SMG6: variants seen among roughly 807,000 people sequenced by gnomAD.
SMG6 encodes the protein SMG6 nonsense mediated mRNA decay factor.
A neutral mutation model predicts 142.2 loss-of-function variants in SMG6; 66 were observed. That is an observed-to-expected ratio of 0.46 (90% CI 0.38 to 0.57). SMG6 has a LOEUF of 0.57. Ranked by LOEUF, SMG6 falls within the 20% of genes least tolerant of loss-of-function variation. The probability of loss-of-function intolerance (pLI) is 0.00; values close to 1 mark genes in which losing one functional copy is unlikely to be tolerated. For missense variants in SMG6, 1,793 were observed against 1,832.0 expected, an observed-to-expected ratio of 0.98 and a Z score of 0.39; for synonymous variants, 779 against 702.4, an observed-to-expected ratio of 1.11 and a Z score of -1.72.
At chr17:2,215,655 CT>C (rs2072994322) in intron 10 of SMG6, 1 of 152,024 alleles carries the variant, frequency 6.6e-6, no homozygotes, top group African/African-American at 2.4e-5. Flanking sequence ...CTCCACAGTA[CT>C]TGTGTGTGTG....
chr17:2,157,487 T>C (rs1376836957), intron 13 of SMG6, among the ~76,000 whole-genome samples: 1 of 152,194 alleles, frequency 6.6e-6, no homozygotes, highest in African/African-American at 2.4e-5. Flanking sequence ...GGTAAACAGA[T>C]TTTGGTACCC....
chr17:2,111,614 G>C lies in SMG6; in HGVS notation c.3358-25713C>G, dbSNP rs538911522. ...AAACGGGGTCTCCCTATATTGCCCA[G>C]ACTGGCCTTGAACTCCTAGGTTCAA... On this transcript the variant is annotated intron_variant, in intron 13 of 18. Transcript: ENST00000263073. Among the ~76,000 whole-genome samples, 237 of 152,248 alleles carry C rather than the reference G, an allele frequency of 1.6e-3. 1 individual carries two copies. Among genetic ancestry groups the C allele is most frequent in the African/African-American group, 4.2e-3 (175 of 41,552 alleles).
At chr17:2,161,061 T>C (rs2071161538) in intron 13 of SMG6, among the ~76,000 whole-genome samples, 1 of 151,248 alleles carries the variant, frequency 6.6e-6, no homozygotes, top group Non-Finnish European at 1.5e-5. Flanking sequence ...TGTAGGTAGG[T>C]AGGTAGGAAG....
At chr17:2,246,282 T>C (rs955528703) in intron 8 of SMG6, among the ~76,000 whole-genome samples, 6 of 152,248 alleles carry the variant, frequency 3.9e-5, no homozygotes, top group African/African-American at 1.4e-4. Context: ...TTCAGGGCTC[T>C]GTAGCCAGCC....
intron 6 of SMG6, among the ~76,000 whole-genome samples, chr17:2,290,247 C>G (rs1023138385): frequency 2.0e-5 from 3 of 152,136 alleles, no homozygotes; most frequent in Non-Finnish European, 2.9e-5. Flanking sequence ...GGAACCAAGA[C>G]AGTGTGGTAC....
At chr17:2,293,369 C>G (rs979367282) in intron 4 of SMG6, among the ~76,000 whole-genome samples, 1 of 152,138 alleles carries the variant, frequency 6.6e-6, no homozygotes, top group Non-Finnish European at 1.5e-5. Flanking sequence ...GTAAAAGTAA[C>G]TACTCTATAG....
intron 8 of SMG6, among the ~76,000 whole-genome samples, chr17:2,274,232 T>C (rs944121527): frequency 1.3e-5 from 2 of 152,204 alleles, no homozygotes; most frequent in Admixed American, 6.5e-5. Flanking sequence ...TAGAAAAAGT[T>C]TGCTGACCTA....
At chr17:2,139,664 G>C (rs2070414470) in intron 13 of SMG6, among the ~76,000 whole-genome samples, 1 of 151,762 alleles carries the variant, frequency 6.6e-6, no homozygotes, top group Non-Finnish European at 1.5e-5. Context: ...CAAGTGATCT[G>C]TCTGCCTTGG....
chr17:2,259,888 C>A (rs1370102584), intron 8 of SMG6, among the ~76,000 whole-genome samples: 1 of 152,084 alleles, frequency 6.6e-6, no homozygotes, highest in Non-Finnish European at 1.5e-5. Flanking sequence ...TAGATGTGGT[C>A]ACAAAGACGG....
chr17:2,275,781 TG>T (rs1162462508), intron 8 of SMG6, among the ~76,000 whole-genome samples: 1 of 152,082 alleles, frequency 6.6e-6, no homozygotes, highest in African/African-American at 2.4e-5. Flanking sequence ...GGCTGGCAGG[TG>T]GAAGAGTTGA....
intron 10 of SMG6, among the ~76,000 whole-genome samples, chr17:2,218,823 G>A (rs12602802): frequency 0.023 from 3,434 of 152,038 alleles, 45 homozygotes; most frequent in East Asian, 0.052. Flanking sequence ...TGTAAACTAC[G>A]AACTTTGGGT....
At chr17:2,157,611 T>C (rs1441480805) in intron 13 of SMG6, among the ~76,000 whole-genome samples, 1 of 152,202 alleles carries the variant, frequency 6.6e-6, no homozygotes, top group Non-Finnish European at 1.5e-5. Flanking sequence ...GCATGGACTT[T>C]CCTTTTGCCA....
intron 13 of SMG6, among the ~76,000 whole-genome samples, chr17:2,155,516 G>A (rs1369411604): frequency 6.6e-6 from 1 of 152,162 alleles, no homozygotes; most frequent in Admixed American, 6.5e-5. Context: ...CTCTTATAAT[G>A]AGGTTACATG....
intron 9 of SMG6, 100 bp downstream of exon 9, chr17:2,244,558 C>G: frequency 1.2e-6 from 1 of 866,620 alleles, no homozygotes; most frequent in South Asian, 1.5e-5. Context: ...GAATTCACAC[C>G]CTGTGCCCTC....
At chr17:2,092,477 C>T (rs1253936452) in intron 13 of SMG6, among the ~76,000 whole-genome samples, 1 of 152,196 alleles carries the variant, frequency 6.6e-6, no homozygotes, top group East Asian at 1.9e-4. Flanking sequence ...CTGTCCCCAC[C>T]TGTAACCACC....
intron 2 of SMG6, 83 bp downstream of exon 2, chr17:2,298,823 G>T: frequency 7.3e-7 from 1 of 1,371,900 alleles, no homozygotes; most frequent in Non-Finnish European, 9.9e-7. Flanking sequence ...CAGCTAAAAA[G>T]TTTCTACCTT....
chr17:2,186,581 C>CA, intron 12 of SMG6, 82 bp downstream of exon 12: 1 of 1,503,080 alleles, frequency 6.7e-7, no homozygotes, highest in Non-Finnish European at 9.1e-7. Flanking sequence ...CAGAAAGAAA[C>CA]AGAGCAGGAT....
In SMG6 at chr17:2,292,708, T is replaced by C. The variant is rs1466714428; in HGVS notation, c.2259-78A>G. 1.2e-5 allele frequency: 19 copies of C among 1,544,626 alleles called. No homozygotes were observed. In the Admixed American group the frequency reaches 3.0e-4, roughly 25 times the overall value. On this transcript the variant is annotated intron_variant, in intron 5 of 18. Coordinates refer to ENST00000263073, the MANE Select transcript of SMG6 (RefSeq NM_017575.5). Reference sequence around the variant, plus strand: ...AATTCATCCTGATAGCCCTAATACTTAAAACATAAGGTAGAGTGTTAGATG... The same window carrying C: ...AATTCATCCTGATAGCCCTAATACTCAAAACATAAGGTAGAGTGTTAGATG...
chr17:2,274,652 G>A (rs1311118482), intron 8 of SMG6, among the ~76,000 whole-genome samples: 1 of 152,168 alleles, frequency 6.6e-6, no homozygotes, highest in East Asian at 1.9e-4. Context: ...CAAGGAGAAG[G>A]AAGGTTTGAC....
Sources: gnomAD v4.1 joint callset for allele counts (sites outside exome capture counted in the v4.1 genomes callset) on GRCh38, gnomAD v4.1.1 for gene constraint, MANE v1.5 for transcripts, NCBI Gene and HGNC (gene_info 2026-07-23, HGNC 2026-07-21) for gene names.